Variants in CCDC3 observed in about 807,000 individuals in gnomAD.
The protein encoded by CCDC3 is coiled-coil domain containing 3, also known as coiled-coil domain-containing protein 3.
Under a neutral mutation model 21.4 loss-of-function variants are expected in CCDC3, and 24 were observed. The ratio of observed to expected loss-of-function variants is 1.12; its 90% confidence interval spans 0.81 to 1.58. CCDC3 has a LOEUF of 1.58. Among genes scored for constraint, CCDC3 ranks in the 40% most tolerant of loss-of-function variants. The pLI is 0.00. For missense variants in CCDC3, 425 were observed against 360.9 expected (o/e 1.18, Z -1.44); for synonymous variants, 186 against 166.0 (o/e 1.12, Z -0.93).
At chr10:13,039,422 C>CAAAA (rs5783301) in intron 5 of CCDC3, among the ~76,000 whole-genome samples, 1 of 137,604 alleles carries the variant, frequency 7.3e-6, no homozygotes. Context: ...GACTCTGTCT[C>CAAAA]AAAAAAAAAA....
At chr10:13,060,897 G>A (rs1271204536) in intron 4 of CCDC3, among the ~76,000 whole-genome samples, 9 of 152,130 alleles carry the variant, frequency 5.9e-5, no homozygotes, top group Admixed American at 6.5e-5. Context: ...CAATCTCAAC[G>A]GAGGTGTTGA....
At chr10:12,899,866 T>C (rs1249809629) in intron 2 of CCDC3, among the ~76,000 whole-genome samples, 1 of 152,218 alleles carries the variant, frequency 6.6e-6, no homozygotes, top group Non-Finnish European at 1.5e-5. Flanking sequence ...TTTTTGAATT[T>C]TGTATTTCAT....
chr10:13,058,377 G>T, intron 4 of CCDC3: 2 of 976,054 alleles, frequency 2.0e-6, no homozygotes, highest in Non-Finnish European at 3.3e-6. Context: ...AGCAGTCCAG[G>T]ACAATACGCT....
chr10:13,014,120 C>A (rs1330837112), intron 5 of CCDC3, among the ~76,000 whole-genome samples: 1 of 151,790 alleles, frequency 6.6e-6, no homozygotes, highest in Non-Finnish European at 1.5e-5. Context: ...CATTGCACTC[C>A]AGCCTGGGTG....
rs555899320 is a variant in CCDC3, at chr10:12,903,762, C to T, written c.550-5083G>A. 2.6e-5 allele frequency among the ~76,000 whole-genome samples: 4 copies of T among 152,292 alleles called. No homozygotes were observed. In the East Asian group the frequency reaches 5.8e-4, roughly 22 times the overall value. ...CCCTGGGAGCCTGCTCTTTTATTTT[C>T]GAAAAGACAAAAGTTAGGCTGGGAT... On this transcript the variant is annotated intron_variant, in intron 2 of 2. Transcript: ENST00000378825.
intron 1 of CCDC3, among the ~76,000 whole-genome samples, chr10:13,000,109 C>A (rs983735551): frequency 2.0e-5 from 3 of 152,214 alleles, no homozygotes; most frequent in Non-Finnish European, 4.4e-5. Flanking sequence ...AAAAGTGAAT[C>A]TGCAGACCCA....
In CCDC3 at chr10:12,964,449, C is replaced by T. The variant is rs546782994; in HGVS notation, c.549+33889G>A. Among the ~76,000 whole-genome samples, 3 of 152,134 alleles carry T rather than the reference C, an allele frequency of 2.0e-5. No individual in the cohort carries two copies. In the East Asian group the frequency reaches 5.8e-4, roughly 29 times the overall value. ...ACACCAAAATAATCTCTCCCGCTTT[C>T]AGATCTTGTTGGGTCTGTAGTTTAT... On this transcript the variant is annotated intron_variant, in intron 2 of 2. Coordinates refer to ENST00000378825, the MANE Select transcript of CCDC3 (RefSeq NM_031455.4).
rs529992818 is a variant in CCDC3, at chr10:13,031,667, C to G, written c.-2+18007G>C. Among the ~76,000 whole-genome samples, 19 of 152,170 alleles carry G rather than the reference C, an allele frequency of 1.2e-4. No homozygotes were observed. The South Asian group carries it at 3.9e-3, about 32-fold the overall frequency. On this transcript the variant is annotated intron_variant, in intron 5 of 6. Coordinates refer to the CCDC3 transcript ENST00000378839. Reference sequence around the variant, plus strand: ...AAAATGATAAAGGGGGTATCACCACCAATCCCACAGAAATACAAACTACCA... The same window carrying G: ...AAAATGATAAAGGGGGTATCACCACGAATCCCACAGAAATACAAACTACCA...
chr10:12,924,074 G>A (rs778574510), intron 2 of CCDC3, among the ~76,000 whole-genome samples: 2 of 152,176 alleles, frequency 1.3e-5, no homozygotes, highest in Admixed American at 6.5e-5. Flanking sequence ...GAATTGCCAT[G>A]GCCTCAGTTT....
chr10:12,919,828 C>T (rs1018205020), intron 2 of CCDC3, among the ~76,000 whole-genome samples: 1 of 152,212 alleles, frequency 6.6e-6, no homozygotes, highest in South Asian at 2.1e-4. Flanking sequence ...CCTTGCCCTG[C>T]AGGGATCACA....
intron 2 of CCDC3, among the ~76,000 whole-genome samples, chr10:12,986,029 C>T (rs903198535): frequency 1.3e-4 from 20 of 152,182 alleles, no homozygotes; most frequent in Middle Eastern, 3.2e-3. Context: ...GCGCCCGCCA[C>T]CACGCCCAGT....
intron 3 of CCDC3, among the ~76,000 whole-genome samples, chr10:13,086,934 A>G (rs574082082): frequency 2.3e-4 from 35 of 152,328 alleles, no homozygotes; most frequent in Non-Finnish European, 4.4e-4. Flanking sequence ...TTAAGGAAAC[A>G]TGAAAGGGGC....
chr10:12,965,459 A>G (rs1835249511), intron 2 of CCDC3, among the ~76,000 whole-genome samples: 2 of 152,136 alleles, frequency 1.3e-5, no homozygotes, highest in African/African-American at 4.8e-5. Flanking sequence ...ACACACCACA[A>G]CTAAAATTAT....
At chr10:13,008,761 A>G (rs897862200) in intron 5 of CCDC3, among the ~76,000 whole-genome samples, 1 of 152,256 alleles carries the variant, frequency 6.6e-6, no homozygotes, top group Non-Finnish European at 1.5e-5. Context: ...GATAAAACTC[A>G]GTAAGTTAGC....
intron 2 of CCDC3, among the ~76,000 whole-genome samples, chr10:12,975,820 G>A (rs1835409246): frequency 6.6e-6 from 1 of 152,174 alleles, no homozygotes; most frequent in Non-Finnish European, 1.5e-5. Flanking sequence ...GTGACAGAAT[G>A]AGCCCAATCC....
At chr10:12,929,918 A>G (rs1240500271) in intron 2 of CCDC3, among the ~76,000 whole-genome samples, 1 of 152,262 alleles carries the variant, frequency 6.6e-6, no homozygotes, top group Non-Finnish European at 1.5e-5. Context: ...TACTATTAAT[A>G]TAACAGAAGG....
intron 3 of CCDC3, among the ~76,000 whole-genome samples, chr10:13,092,637 T>C (rs1228586813): frequency 1.3e-5 from 2 of 152,122 alleles, no homozygotes; most frequent in Non-Finnish European, 2.9e-5. Flanking sequence ...TGGCTCCCAG[T>C]AGATTCAGAA....
chr10:12,903,520 G>A (rs1834124652), intron 2 of CCDC3, among the ~76,000 whole-genome samples: 1 of 152,244 alleles, frequency 6.6e-6, no homozygotes, highest in Non-Finnish European at 1.5e-5. Context: ...AGCTGAAACA[G>A]GTACTGCCAT....
intron 1 of CCDC3, among the ~76,000 whole-genome samples, chr10:12,999,844 A>G (rs1269893490): frequency 6.6e-6 from 1 of 152,246 alleles, no homozygotes; most frequent in Non-Finnish European, 1.5e-5. Context: ...CTAATTAAAA[A>G]CATGAAACCC....
Sources: gnomAD v4.1 joint callset for allele counts (sites outside exome capture counted in the v4.1 genomes callset) on GRCh38, gnomAD v4.1.1 for gene constraint, MANE v1.5 for transcripts, NCBI Gene and HGNC (gene_info 2026-07-23, HGNC 2026-07-21) for gene names.